The following COQ5 variants were observed in gnomAD, a reference collection of about 807,000 sequenced individuals.
The protein encoded by COQ5 is 2-methoxy-6-polyprenyl-1,4-benzoquinol methylase, mitochondrial.
A neutral mutation model predicts 40.5 loss-of-function variants in COQ5; 27 were observed. The observed-to-expected ratio is 0.67, with a 90% CI of 0.49 to 0.92. The LOEUF (loss-of-function observed/expected upper bound fraction) is 0.92. Among genes scored for constraint, COQ5 ranks in the 40% least tolerant of loss-of-function variants. The probability of loss-of-function intolerance (pLI) is 0.00; values close to 1 mark genes in which losing one functional copy is unlikely to be tolerated. For missense variants in COQ5, 409 were observed against 406.4 expected (o/e 1.01, Z -0.06); for synonymous variants, 141 against 150.0 (o/e 0.94, Z 0.44).
At chr12:120,504,414 T>TA (rs1868788541) in intron 5 of COQ5, among the ~76,000 whole-genome samples, 1 of 147,354 alleles carries the variant, frequency 6.8e-6, no homozygotes, top group African/African-American at 2.5e-5. Flanking sequence ...TTAAATTTTT[T>TA]TTTTTTTTTT....
chr12:120,509,353 C>G (rs1869024040), intron 4 of COQ5, among the ~76,000 whole-genome samples: 1 of 151,994 alleles, frequency 6.6e-6, no homozygotes, highest in Admixed American at 6.6e-5. Context: ...CCCATCTCTA[C>G]AAAAAATAAA....
intron 3 of COQ5, among the ~76,000 whole-genome samples, chr12:120,514,513 G>C (rs772993744): frequency 1.3e-5 from 2 of 151,900 alleles, no homozygotes; most frequent in African/African-American, 2.4e-5. Context: ...GGAATGGGTG[G>C]ACAGATCACA....
chr12:120,512,703 A>G (rs1295160198), intron 3 of COQ5, among the ~76,000 whole-genome samples: 2 of 152,136 alleles, frequency 1.3e-5, no homozygotes, highest in African/African-American at 2.4e-5. Context: ...GGAAGGAAAC[A>G]TTACCATATT....
In COQ5 at chr12:120,503,341, TGG is replaced by T. The variant is rs372203683; in HGVS notation, c.*441_*442del. The T allele has an allele frequency of 3.7e-4, 129 of 352,406 alleles. No homozygotes were observed. Among genetic ancestry groups the T allele is most frequent in the African/African-American group, 2.6e-3 (122 of 46,808 alleles). 21.8% of individuals were successfully genotyped at this position (352,406 alleles called of 1,614,324 possible). A position where few individuals can be genotyped will look rare whatever the true frequency, so the allele number is the denominator to read the frequency against. ...TCTCATGATCATTAATACTCTGACT[TGG>T]GCCTAGACTTCGTCCTAGGCTGAAA... On this transcript the variant is annotated 3_prime_UTR_variant, in exon 7 of 7. Transcript: ENST00000288532.
chr12:120,516,536 T>C (rs1593019767), intron 3 of COQ5, 31 bp downstream of exon 3: 3 of 1,484,012 alleles, frequency 2.0e-6, no homozygotes, highest in South Asian at 2.3e-5. Context: ...ATACAAATAC[T>C]TCCCCTGTGT....
At chr12:120,520,289 G>A (rs1177740133) in intron 2 of COQ5, among the ~76,000 whole-genome samples, 2 of 149,252 alleles carry the variant, frequency 1.3e-5, no homozygotes, top group African/African-American at 4.9e-5. Context: ...AATTACAGAC[G>A]CCCGCCACCT....
At chr12:120,519,149 A>G (rs1255768025) in intron 2 of COQ5, among the ~76,000 whole-genome samples, 2 of 152,338 alleles carry the variant, frequency 1.3e-5, no homozygotes, top group East Asian at 3.9e-4. Flanking sequence ...ATTTAAAGCC[A>G]TGTCCTTATT....
chr12:120,506,903 G>A (rs1279276009), intron 4 of COQ5, among the ~76,000 whole-genome samples: 1 of 149,762 alleles, frequency 6.7e-6, no homozygotes, highest in Non-Finnish European at 1.5e-5. Flanking sequence ...GCACAATCTC[G>A]GCTCACTGCA....
intron 3 of COQ5, among the ~76,000 whole-genome samples, chr12:120,512,837 C>A (rs1171464175): frequency 6.6e-6 from 1 of 151,948 alleles, no homozygotes; most frequent in Admixed American, 6.6e-5. Flanking sequence ...GAGGGCAGAC[C>A]ACTTGAGGCC....
chr12:120,518,942 C>T (rs535756694), intron 2 of COQ5, among the ~76,000 whole-genome samples: 197 of 152,188 alleles, frequency 1.3e-3, no homozygotes, highest in African/African-American at 4.4e-3. Context: ...GAAGTGAGCA[C>T]GATATTTCAA....
chr12:120,504,893 A>C lies in COQ5; in HGVS notation c.770+2T>G. ...AGATAAAGCCCTATTAACAATGCCA[A>C]CCTGGATATGAGGGGATTGTTCACT... On this transcript the variant is annotated splice_donor_variant, in intron 5 of 6. Coordinates refer to ENST00000288532, the MANE Select transcript of COQ5 (RefSeq NM_032314.4). LOFTEE classifies it high-confidence loss of function. 1.2e-6 allele frequency: 2 copies of C among 1,613,670 alleles called. No individual in the cohort carries two copies. The highest frequency in any genetic ancestry group is 8.5e-7 in the Non-Finnish European group (1 of 1,179,602).
chr12:120,513,269 C>T (rs1269685214), intron 3 of COQ5, among the ~76,000 whole-genome samples: 3 of 149,356 alleles, frequency 2.0e-5, no homozygotes, highest in East Asian at 2.1e-4. Context: ...TTTGGGAGGC[C>T]GAGGCGGGCG....
intron 3 of COQ5, among the ~76,000 whole-genome samples, chr12:120,511,238 C>T (rs961174605): frequency 2.2e-5 from 3 of 137,938 alleles, no homozygotes; most frequent in Admixed American, 1.6e-4. Flanking sequence ...GCCTGGGTGA[C>T]AGAGCGAGAC....
chr12:120,505,019 A>T, intron 4 of COQ5, 36 bp from the exon 5 acceptor site: 1 of 1,541,814 alleles, frequency 6.5e-7, no homozygotes, highest in Non-Finnish European at 9.0e-7. Context: ...CACACTCCTC[A>T]GTAGACCTCA....
At chr12:120,508,028 A>G (rs1868956502) in intron 4 of COQ5, among the ~76,000 whole-genome samples, 1 of 151,416 alleles carries the variant, frequency 6.6e-6, no homozygotes, top group African/African-American at 2.4e-5. Flanking sequence ...GTGGAGTCTC[A>G]CTCTGTCGCC....
At chr12:120,519,203 T>C (rs1374627667) in intron 2 of COQ5, among the ~76,000 whole-genome samples, 1 of 152,178 alleles carries the variant, frequency 6.6e-6, no homozygotes, top group Non-Finnish European at 1.5e-5. Flanking sequence ...CTATTAAATG[T>C]GATGCAATGA....
Position 120,508,343 on chromosome 12 carries a change from C to T in COQ5, c.681+1674G>A, listed in dbSNP as rs994745316. The stretch of plus-strand genomic sequence containing the variant: ...AACTGGCTGCAGTGAGCTGAGATCA[C>T]GTTACTGTACTCCAGCCTGGGTGAC... On this transcript the variant is annotated intron_variant, in intron 4 of 6. Coordinates refer to ENST00000288532, the MANE Select transcript of COQ5 (RefSeq NM_032314.4). 4.0e-5 allele frequency among the ~76,000 whole-genome samples: 6 copies of T among 151,688 alleles called. No individual in the cohort carries two copies. The East Asian group carries it at 5.9e-4, about 15-fold the overall frequency.
intron 2 of COQ5, among the ~76,000 whole-genome samples, chr12:120,517,253 G>A (rs1869419407): frequency 6.6e-6 from 1 of 151,994 alleles, no homozygotes; most frequent in African/African-American, 2.4e-5. Context: ...TTGGGAGCCT[G>A]CGGCAGGAGA....
At chr12:120,508,970 A>T (rs190241193) in intron 4 of COQ5, among the ~76,000 whole-genome samples, 75 of 151,544 alleles carry the variant, frequency 4.9e-4, no homozygotes, top group African/African-American at 1.6e-3. Flanking sequence ...GGTTGTAGTG[A>T]GCCAAGATCG....
Sources: allele counts gnomAD v4.1 joint callset (sites outside exome capture counted in the v4.1 genomes callset), GRCh38; gene constraint gnomAD v4.1.1; transcripts MANE v1.5; gene names NCBI Gene and HGNC (gene_info 2026-07-23, HGNC 2026-07-21).